The following ARHGAP8 variants were observed in gnomAD, a reference collection of about 807,000 sequenced individuals.
ARHGAP8 encodes the protein Rho GTPase activating protein 8.
Under a neutral mutation model 46.1 loss-of-function variants are expected in ARHGAP8, and 62 were observed. The observed-to-expected ratio is 1.34, with a 90% CI of 1.10 to 1.66. The LOEUF (loss-of-function observed/expected upper bound fraction) is 1.66, where lower values mean the gene tolerates loss of function less well. Ranked by LOEUF, ARHGAP8 falls within the 40% of genes most tolerant of loss-of-function variation. ARHGAP8 has a pLI of 0.00. For synonymous variants in ARHGAP8, 375 were observed against 243.1 expected (o/e 1.54, Z -5.05); for missense variants, 923 against 568.4 (o/e 1.62, Z -6.34).
intron 5 of ARHGAP8, among the ~76,000 whole-genome samples, chr22:44,815,954 CGCAGGTGTGCACCAGACGGGTCAGGATA>C (rs1929709974): frequency 6.6e-6 from 1 of 152,066 alleles, no homozygotes; most frequent in Admixed American, 6.6e-5. Flanking sequence ...AGCAGGAGGG[CGCAGGTGTGCACCAGACGGGTCAGGATA>C]GCCAGGTGAG....
chr22:44,818,958 C>CA (rs1436266623), intron 5 of ARHGAP8, among the ~76,000 whole-genome samples: 1 of 152,170 alleles, frequency 6.6e-6, no homozygotes, highest in African/African-American at 2.4e-5. Context: ...CTCAGCCTCT[C>CA]AAAGTGTTGG....
intron 1 of ARHGAP8, among the ~76,000 whole-genome samples, chr22:44,762,767 C>T (rs763520938): frequency 6.6e-5 from 10 of 152,024 alleles, no homozygotes; most frequent in Non-Finnish European, 1.5e-4. Flanking sequence ...TGGTCTCGAA[C>T]TCCTGACCTT....
chr22:44,765,697 C>T (rs1310131203), intron 1 of ARHGAP8, among the ~76,000 whole-genome samples: 4 of 152,186 alleles, frequency 2.6e-5, no homozygotes, highest in African/African-American at 9.6e-5. Context: ...GAGCAGCCCT[C>T]GTCACCTCTG....
rs148036885 is a variant in ARHGAP8, at chr22:44,859,665, C to T, written c.878-66C>T. On this transcript the variant is annotated intron_variant, in intron 10 of 11. Coordinates refer to ENST00000356099, the MANE Select transcript of ARHGAP8 (RefSeq NM_181335.3). ...CCTTCCTACACCCCTGTTCTCCTCC[C>T]GGGCCGGGATGCAGCGCTGCCCCTG... is the stretch of plus-strand genomic sequence containing the variant. 11,521 of 1,566,736 alleles carry T rather than the reference C, an allele frequency of 7.4e-3. 68 individuals carry two copies. The highest frequency in any genetic ancestry group is 0.022 in the East Asian group (993 of 44,446).
At chr22:44,850,897 G>C (rs566765899) in intron 10 of ARHGAP8, 2 of 145,160 alleles carry the variant, frequency 1.4e-5, no homozygotes, top group Admixed American at 1.4e-4. Context: ...CCAGGAGGCA[G>C]AGGTTGTAGT....
At chr22:44,860,024 C>T (rs564609196) in intron 11 of ARHGAP8, among the ~76,000 whole-genome samples, 190 bp downstream of exon 11, 1 of 149,646 alleles carries the variant, frequency 6.7e-6, no homozygotes, top group Non-Finnish European at 1.5e-5. Flanking sequence ...TGCGGACCTC[C>T]TGCCTGTCAG....
At chr22:44,801,999 G>C in intron 2 of ARHGAP8, 78 bp from the exon 3 acceptor site, 1 of 1,578,644 alleles carries the variant, frequency 6.3e-7, no homozygotes, top group Non-Finnish European at 8.7e-7. Context: ...ACTGGCCAAG[G>C]AGGCTGCTTT....
intron 1 of ARHGAP8, among the ~76,000 whole-genome samples, chr22:44,782,235 G>A (rs1052533535): frequency 1.3e-5 from 2 of 152,188 alleles, no homozygotes; most frequent in Admixed American, 1.3e-4. Flanking sequence ...TACTCAGGGG[G>A]CTGAGGCAGG....
intron 2 of ARHGAP8, among the ~76,000 whole-genome samples, chr22:44,793,990 C>T (rs1045585134): frequency 6.6e-6 from 1 of 152,130 alleles, no homozygotes; most frequent in Non-Finnish European, 1.5e-5. Context: ...ACCGAGGGAG[C>T]GAGGGAGGCC....
intron 2 of ARHGAP8, among the ~76,000 whole-genome samples, chr22:44,788,436 A>C (rs1269316775): frequency 6.6e-6 from 1 of 151,802 alleles, no homozygotes; most frequent in Non-Finnish European, 1.5e-5. Flanking sequence ...TTATTTTTTG[A>C]GACAGGGTGT....
intron 7 of ARHGAP8, among the ~76,000 whole-genome samples, chr22:44,830,048 G>A (rs1399520116): frequency 6.9e-6 from 1 of 145,134 alleles, no homozygotes. Context: ...CCCTGAGATG[G>A]CGTCTCACTC....
chr22:44,783,000 G>A (rs1193008775), intron 1 of ARHGAP8, among the ~76,000 whole-genome samples: 2 of 152,060 alleles, frequency 1.3e-5, no homozygotes, highest in East Asian at 2.0e-4. Context: ...GGGTTTCCAG[G>A]ATGGTTCCCG....
intron 1 of ARHGAP8, among the ~76,000 whole-genome samples, chr22:44,773,080 T>C (rs1429129122): frequency 6.6e-6 from 1 of 152,084 alleles, no homozygotes; most frequent in East Asian, 1.9e-4. Context: ...CCTCCCAAAG[T>C]GCTGGGATTA....
intron 2 of ARHGAP8, among the ~76,000 whole-genome samples, chr22:44,791,628 CA>C (rs1210371024): frequency 6.6e-6 from 1 of 152,120 alleles, no homozygotes; most frequent in African/African-American, 2.4e-5. Context: ...GGCTTGAACC[CA>C]GGAGGCGGAG....
intron 1 of ARHGAP8, among the ~76,000 whole-genome samples, chr22:44,768,286 C>T (rs749324592): frequency 6.6e-6 from 1 of 151,676 alleles, no homozygotes; most frequent in Non-Finnish European, 1.5e-5. Context: ...TGAGCCACCG[C>T]GTGCGGCCTC....
At chr22:44,858,450 CTCTGTCT>C (rs67384160) in intron 10 of ARHGAP8, among the ~76,000 whole-genome samples, 16,447 of 149,350 alleles carry the variant, frequency 0.11, 1,003 homozygotes, top group African/African-American at 0.15. Context: ...TCAGTGCAGC[CTCTGTCT>C]TCTGAGTTCA....
chr22:44,848,145 G>A (rs1404702343), intron 9 of ARHGAP8, 95 bp downstream of exon 9: 31 of 1,510,084 alleles, frequency 2.1e-5, no homozygotes, highest in South Asian at 4.7e-5. Context: ...CACCGCCCCC[G>A]CAACCCACCC....
At chr22:44,759,700 G>A (rs868186819) in intron 1 of ARHGAP8, among the ~76,000 whole-genome samples, 32 of 152,218 alleles carry the variant, frequency 2.1e-4, no homozygotes, top group African/African-American at 7.7e-4. Flanking sequence ...GGAGCCTCAG[G>A]GGCCTGAAGG....
intron 4 of ARHGAP8, chr22:44,808,640 A>ATT (rs35386894): frequency 5.0e-5 from 40 of 806,248 alleles, no homozygotes; most frequent in Non-Finnish European, 5.2e-5. Context: ...GTTGGCACTC[A>ATT]TTTTTTTTTT....
Sources: gnomAD v4.1 joint callset for allele counts (sites outside exome capture counted in the v4.1 genomes callset) on GRCh38, gnomAD v4.1.1 for gene constraint, MANE v1.5 for transcripts, NCBI Gene and HGNC (gene_info 2026-07-23, HGNC 2026-07-21) for gene names.